Variants in TTN observed in about 807,000 individuals in gnomAD.
TTN encodes the protein titin.
A neutral mutation model predicts 3,223.0 loss-of-function variants in TTN; 1,525 were observed. That is an observed-to-expected ratio of 0.47 (90% CI 0.45 to 0.49). The LOEUF (loss-of-function observed/expected upper bound fraction) is 0.49. Ranked by LOEUF, TTN falls within the 20% of genes least tolerant of loss-of-function variation. The pLI, the probability that TTN is intolerant of heterozygous loss-of-function variation, is 0.00. For missense variants in TTN, 40,786 were observed against 43,424.0 expected (o/e 0.94, Z 5.40); for synonymous variants, 14,094 against 15,161.0 (o/e 0.93, Z 5.17).
At chr2:178,688,462 G>A (rs1473571352) in intron 126 of TTN, among the ~76,000 whole-genome samples, 3 of 152,116 alleles carry the variant, frequency 2.0e-5, no homozygotes, top group African/African-American at 4.8e-5. Flanking sequence ...TAACATTTTC[G>A]GGACTCATCC....
In TTN at chr2:178,561,762, CACTT is replaced by C; in HGVS notation, c.84366_84369del (p.Glu28124IlefsTer49). ...TCTGCACAAACACGGAACTGATACT[CACTT>C]CCTGTTGTCAGGCGAACTATTTTAA... On this transcript the variant is annotated frameshift_variant, in exon 326 of 363. Transcript: ENST00000589042. LOFTEE classifies it high-confidence loss of function. The C allele has an allele frequency of 6.2e-7, 1 of 1,613,612 alleles. No homozygotes were observed. The highest frequency in any genetic ancestry group is 8.5e-7 in the Non-Finnish European group (1 of 1,179,712).
chr2:178,677,649 A>G lies in TTN; in HGVS notation c.34263T>C (p.Val11421=). 6.2e-7 allele frequency: 1 copy of G among 1,611,646 alleles called. No homozygotes were observed. Reference sequence around the variant, plus strand: ...GTGCAGGTACTGGCACCTTAGGTTTAACTTCTGGAAGGACTTCTTCTTCAG... The same window carrying G: ...GTGCAGGTACTGGCACCTTAGGTTTGACTTCTGGAAGGACTTCTTCTTCAG... The part of the protein sequence containing the change: ...FVPEEEVLPE[V]KPKVPVPAPV... The change falls in exon 146 of 363, where the codon GTT becomes GTC. Residue 11421 remains valine (V), a synonymous_variant. Transcript: ENST00000589042.
intron 90 of TTN, 49 bp from the exon 91 acceptor site, chr2:178,714,622 A>G (rs762251040): frequency 5.2e-6 from 8 of 1,526,996 alleles, no homozygotes. Flanking sequence ...TGAGACTGAC[A>G]GCATTTTGCT....
rs762018750 is a variant in TTN at position 178,694,015 on chromosome 2, A to G, written c.31427-7T>C. ...TTTGTATGCACAGCTGGTACTTTAA[A>G]GAGAGTATTTCACATTAGTATTCCT... On this transcript the variant is annotated splice_polypyrimidine_tract_variant and splice_region_variant and intron_variant, in intron 117 of 362. Coordinates refer to ENST00000589042, the MANE Select transcript of TTN (RefSeq NM_001267550.2). 6.2e-7 allele frequency: 1 copy of G among 1,605,170 alleles called. No homozygotes were observed. The highest frequency in any genetic ancestry group is 8.5e-7 in the Non-Finnish European group (1 of 1,174,080).
intron 226 of TTN, 64 bp downstream of exon 226, chr2:178,635,899 G>T: frequency 6.5e-7 from 1 of 1,532,762 alleles, no homozygotes; most frequent in Non-Finnish European, 8.7e-7. Context: ...GGGAAACGAG[G>T]TCCTTTCTTC....
intron 208 of TTN, 91 bp from the exon 209 acceptor site, chr2:178,650,925 C>G: frequency 7.5e-7 from 1 of 1,333,960 alleles, no homozygotes; most frequent in South Asian, 1.3e-5. Context: ...TCAAATAACC[C>G]AGGGACAGAT....
Position 178,620,298 on chromosome 2 carries a change from G to T in TTN, c.46223C>A (p.Ala15408Asp), listed in dbSNP as rs537697585. The T allele has an allele frequency of 6.4e-7, 1 of 1,565,862 alleles. No homozygotes were observed. Among genetic ancestry groups the T allele is most frequent in the Admixed American group, 1.8e-5 (1 of 54,958 alleles). The change falls in exon 248 of 363, where the codon GCT becomes GAT. Residue 15408 changes from alanine to aspartate, a missense_variant. Coordinates refer to ENST00000589042, the MANE Select transcript of TTN (RefSeq NM_001267550.2). ...EDQTVTEFDD[A>D]VFSCQLSREK... ...TCTGGAGAGCTGGCAGGAGAAGACAGCGTCATCGAACTCAGTGACTGTCTG... is the reference window on the plus strand; with the variant it reads ...TCTGGAGAGCTGGCAGGAGAAGACATCGTCATCGAACTCAGTGACTGTCTG...
chr2:178,794,523 G>A lies in TTN; in HGVS notation c.1274C>T (p.Ala425Val). Residue 425 changes from alanine (A) to valine (V), a missense_variant, in exon 8 of 363, where the codon GCT becomes GTT. Transcript: ENST00000589042. ...EVKQDADKSA[A>V]VATVVAAVDM... is the part of the protein sequence containing the mutation. ...AACGGCAGCAACAACAGTCGCAACA[G>A]CTGCACTTTTGTCAGCATCTTGTTT... 1.2e-6 allele frequency: 2 copies of A among 1,614,202 alleles called. No homozygotes were observed. Among genetic ancestry groups the A allele is most frequent in the Non-Finnish European group, 1.7e-6 (2 of 1,180,016 alleles).
chr2:178,546,330 A>T lies in TTN; in HGVS notation c.95001T>A (p.Thr31667=), dbSNP rs1697120026. ...TGATCACAGCAGTTGCTCGTTTGCC[A>T]GTATACTGCAAAGAGACTTTTTCAC... The part of the protein sequence containing the change: ...DLCEKVSLQY[T]GKRATAVIKF... Residue 31667 remains threonine (T), a synonymous_variant, in exon 342 of 363, where the codon ACT becomes ACA. Transcript: ENST00000589042. 3 of 1,613,750 alleles carry T rather than the reference A, an allele frequency of 1.9e-6. No individual in the cohort carries two copies. The African/African-American group carries it at 4.0e-5, about 22-fold the overall frequency.
chr2:178,613,931 G>A lies in TTN; in HGVS notation c.49352C>T (p.Pro16451Leu). The stretch of plus-strand genomic sequence containing the variant: ...AGGTTCTAGGCGAGTTGGAGGACCA[G>A]GTGGATCTATAGACAGGATAATGGT... Reference protein sequence around the residue: ...PITAKYQFDPPGPPTRLEPSD... With the variant: ...PITAKYQFDPLGPPTRLEPSD... The change falls in exon 263 of 363, where the codon CCT becomes CTT. Residue 16451 changes from proline (P) to leucine (L), a missense_variant. Transcript: ENST00000589042. 6.2e-7 allele frequency: 1 copy of A among 1,607,806 alleles called. No homozygotes were observed. The highest frequency in any genetic ancestry group is 8.5e-7 in the Non-Finnish European group (1 of 1,176,862).
In TTN at chr2:178,562,815, A is replaced by T; in HGVS notation, c.83317T>A (p.Leu27773Met). Residue 27773 changes from leucine to methionine, a missense_variant, in exon 326 of 363, where the codon TTG becomes ATG. Physicochemically the swap from Leu to Met is conservative, Grantham distance 15. Transcript: ENST00000589042. ...TCTTTCTTCACTTCTCTTATGGTCA[A>T]ATTCACAGGGGCACTTGGTGAGTCA... ...VLDSPSAPVN[L>M]TIREVKKDSV... is the part of the protein sequence containing the mutation. The T allele has an allele frequency of 6.2e-7, 1 of 1,613,124 alleles. No homozygotes were observed. Among genetic ancestry groups the T allele is most frequent in the Non-Finnish European group, 8.5e-7 (1 of 1,179,544 alleles).
In TTN at chr2:178,730,652, C is replaced by T. The variant is rs2080285790; in HGVS notation, c.17881G>A (p.Ala5961Thr). 1 of 1,613,548 alleles carries T rather than the reference C, an allele frequency of 6.2e-7. No homozygotes were observed. ...QWFKDDQEISASEKYKFSFHD... is the reference protein window; with the variant it reads ...QWFKDDQEISTSEKYKFSFHD... ...AAAGAGAATTTGTACTTTTCACTAG[C>T]TGATATTTCTTGGTCATCTTTGAAC... is the stretch of plus-strand genomic sequence containing the variant. Residue 5961 changes from alanine to threonine, a missense_variant, in exon 61 of 363, where the codon GCT (alanine) becomes ACT (threonine). Transcript: ENST00000589042.
rs935193898 is a variant in TTN at position 178,542,288 on chromosome 2, C to T, written c.97468G>A (p.Val32490Ile). 3.7e-6 allele frequency: 6 copies of T among 1,611,146 alleles called. No individual in the cohort carries two copies. Among genetic ancestry groups the T allele is most frequent in the Admixed American group, 1.7e-5 (1 of 59,758 alleles). The change falls in exon 349 of 363, where the codon GTC becomes ATC. Residue 32490 changes from valine to isoleucine, a missense_variant. Val to Ile is a conservative substitution (Grantham distance 29). Transcript: ENST00000589042. ...CGGATGCTGCTGCGACACTCTATGA[C>T]CTCAGACTGCAAGTAAGAGCCAATC... ...FGIGSYLQSE[V>I]IECRSSIRIP...
Position 178,589,656 on chromosome 2 carries a change from C to T in TTN, c.62069G>A (p.Arg20690Gln), listed in dbSNP as rs753480368. 20 of 1,613,448 alleles carry T rather than the reference C, an allele frequency of 1.2e-5. No individual in the cohort carries two copies. Among genetic ancestry groups the T allele is most frequent in the Middle Eastern group, 1.7e-4 (1 of 6,054 alleles). Reference protein sequence around the residue: ...KGKTFVYLKWRRPDYDGGSPN... With the variant: ...KGKTFVYLKWQRPDYDGGSPN... ...ACTGCCACCATCATAGTCAGGCCTC[C>T]GCCACTTTAGATAGACAAATGTCTT... Residue 20690 changes from arginine (R) to glutamine (Q), a missense_variant, in exon 304 of 363, where the codon CGG (arginine) becomes CAG (glutamine). Physicochemically the swap from Arg to Gln is conservative, Grantham distance 43. Transcript: ENST00000589042.
In TTN at chr2:178,565,410, T is replaced by G. The variant is rs573877174; in HGVS notation, c.80722A>C (p.Arg26908=). 1.5e-4 allele frequency: 240 copies of G among 1,613,560 alleles called. No individual in the cohort carries two copies. In the Admixed American group the frequency reaches 2.0e-3, roughly 13 times the overall value. The change falls in exon 326 of 363, where the codon AGA becomes CGA. Residue 26908 remains arginine (R), a synonymous_variant. Coordinates refer to ENST00000589042, the MANE Select transcript of TTN (RefSeq NM_001267550.2). ...TCTTTGACCCAAGAAATGTTAGGTC[T>G]TGGTCGGCCTATAACTGGAATTTCT... ...KIEIPVIGRP[R]PNISWVKDGE... is the part of the protein sequence containing the mutation.
In TTN at chr2:178,630,886, G is replaced by A. The variant is rs1048028645; in HGVS notation, c.44072C>T (p.Thr14691Ile). The A allele has an allele frequency of 1.9e-6, 3 of 1,613,152 alleles. No homozygotes were observed. The highest frequency in any genetic ancestry group is 2.7e-5 in the African/African-American group (2 of 74,896). The stretch of plus-strand genomic sequence containing the variant: ...AGAGATTTCGGTTTCAAAGCGTGCT[G>A]TCTCAGTCTCCATCACCTCCACACT... ...LHSVEVMETE[T>I]ARFETEISED... The change falls in exon 238 of 363, where the codon ACA (threonine) becomes ATA (isoleucine). Residue 14691 changes from threonine (T) to isoleucine (I), a missense_variant. Coordinates refer to ENST00000589042, the MANE Select transcript of TTN (RefSeq NM_001267550.2).
At chr2:178,792,229 T>C (rs745691538) in intron 9 of TTN, 32 bp from the exon 10 acceptor site, 2 of 1,587,334 alleles carry the variant, frequency 1.3e-6, no homozygotes, top group East Asian at 2.2e-5. Flanking sequence ...AAAACTTTAT[T>C]TCCTGATGCC....
At position 178,681,061 on chromosome 2, in the gene TTN, G is replaced by A. The variant is rs761691686; in HGVS notation, c.33340+18C>T. The A allele has an allele frequency of 1.9e-5, 30 of 1,573,702 alleles. No homozygotes were observed. Among genetic ancestry groups the A allele is most frequent in the Admixed American group, 1.5e-4 (8 of 52,236 alleles). On this transcript the variant is annotated intron_variant, in intron 138 of 362. Coordinates refer to ENST00000589042, the MANE Select transcript of TTN (RefSeq NM_001267550.2). ...AGGCATCAGAAAAGATCACAATCGA[G>A]GAAGGAAATCATTATACCTTTAGCA...
At position 178,764,664 on chromosome 2, in the gene TTN, T is replaced by C. The variant is rs147903846; in HGVS notation, c.9851A>G (p.Lys3284Arg). ...KEEQLLSTGF[K>R]CKFLHDGQEY... is the part of the protein sequence containing the mutation. The stretch of plus-strand genomic sequence containing the variant: ...TTGCCCATCATGAAGAAATTTGCAC[T>C]TGAAGCCAGTGGAAAGCAGCTGCTC... The change falls in exon 42 of 363, where the codon AAG becomes AGG. Residue 3284 changes from lysine to arginine, a missense_variant. By Grantham distance (26) the Lys-to-Arg change is conservative. Transcript: ENST00000589042. 146 of 1,614,102 alleles carry C rather than the reference T, an allele frequency of 9.0e-5. No homozygotes were observed. Among genetic ancestry groups the C allele is most frequent in the Middle Eastern group, 3.3e-4 (2 of 6,058 alleles).
Sources: allele counts gnomAD v4.1 joint callset (sites outside exome capture counted in the v4.1 genomes callset), GRCh38; gene constraint gnomAD v4.1.1; transcripts MANE v1.5; gene names NCBI Gene and HGNC (gene_info 2026-07-23, HGNC 2026-07-21).